Variants in PDE3B observed in about 807,000 individuals in gnomAD.
PDE3B encodes the protein phosphodiesterase 3B.
In PDE3B, 66 loss-of-function variants were observed where a neutral mutation model predicts 116.8. The observed-to-expected ratio is 0.56, with a 90% CI of 0.46 to 0.69. The LOEUF (loss-of-function observed/expected upper bound fraction) is 0.69, where lower values mean the gene tolerates loss of function less well. Ranked by LOEUF, PDE3B falls within the 30% of genes least tolerant of loss-of-function variation. The pLI, the probability that PDE3B is intolerant of heterozygous loss-of-function variation, is 0.00. For synonymous variants in PDE3B, 595 were observed against 533.6 expected, an observed-to-expected ratio of 1.12 and a Z score of -1.59; for missense variants, 1,384 against 1,368.1, an observed-to-expected ratio of 1.01 and a Z score of -0.18.
chr11:14,884,285 G>T, the PDE3B span, among the ~76,000 whole-genome samples: 5 of 151,712 alleles, frequency 3.3e-5, no homozygotes, highest in South Asian at 2.1e-4. Context: ...CCAACCCAAA[G>T]GTCCAAAAAT....
At chr11:14,881,505 G>A in the PDE3B span, among the ~76,000 whole-genome samples, 4 of 151,948 alleles carry the variant, frequency 2.6e-5, no homozygotes, top group African/African-American at 9.7e-5. Flanking sequence ...CTCATTACTG[G>A]GACACGGTTG....
chr11:14,661,454 C>T (rs1853904847), intron 1 of PDE3B, among the ~76,000 whole-genome samples: 1 of 152,166 alleles, frequency 6.6e-6, no homozygotes, highest in Non-Finnish European at 1.5e-5. Flanking sequence ...AGACAGTGGG[C>T]GTAGGACAGT....
At chr11:14,868,719 C>T (rs1848091483) in intron 15 of PDE3B, among the ~76,000 whole-genome samples, 1 of 152,172 alleles carries the variant, frequency 6.6e-6, no homozygotes, top group African/African-American at 2.4e-5. Flanking sequence ...GAACCTCCCA[C>T]TGCAACACAC....
At chr11:14,807,854 C>G (rs564357031) in intron 5 of PDE3B, among the ~76,000 whole-genome samples, 1 of 152,132 alleles carries the variant, frequency 6.6e-6, no homozygotes, top group South Asian at 2.1e-4. Flanking sequence ...TGAGACCAGC[C>G]TGGCCAACAT....
intron 2 of PDE3B, among the ~76,000 whole-genome samples, chr11:14,778,213 GGCCTCT>G (rs1857851075): frequency 6.6e-6 from 1 of 152,126 alleles, no homozygotes; most frequent in African/African-American, 2.4e-5. Context: ...GAGTCCTGCC[GGCCTCT>G]GTAGACTCCA....
rs1409153720 is a variant in PDE3B, at chr11:14,864,961, C to G, written c.2887-2545C>G. 2.6e-5 allele frequency among the ~76,000 whole-genome samples: 4 copies of G among 152,068 alleles called. No individual in the cohort carries two copies. The East Asian group carries it at 7.7e-4, about 29-fold the overall frequency. The stretch of plus-strand genomic sequence containing the variant: ...AAGCAAGAGCAAACAAATTCAAAAG[C>G]TAGCAGAAGACAAGAAATAACTAAG... On this transcript the variant is annotated intron_variant, in intron 14 of 15. Transcript: ENST00000282096.
Position 14,644,236 on chromosome 11 carries a change from T to A in PDE3B, c.161T>A (p.Phe54Tyr). ...GGCTTCTTCTTCCACCTCTGCCGCT[T>A]CTGCAACGTGGAGCTGCGGCCGCCG... ...PRGFFFHLCR[F>Y]CNVELRPPPA... Residue 54 changes from phenylalanine (F) to tyrosine (Y), a missense_variant, in exon 1 of 16, where the codon TTC (phenylalanine) becomes TAC (tyrosine). Around this residue, in one of 2 missense-constraint regions of PDE3B, gnomAD observed 956 missense variants for 806.8 expected, o/e 1.18. Transcript: ENST00000282096. 6.3e-7 allele frequency: 1 copy of A among 1,585,452 alleles called. No homozygotes were observed. Among genetic ancestry groups the A allele is most frequent in the Non-Finnish European group, 8.5e-7 (1 of 1,172,896 alleles).
chr11:14,760,949 T>C (rs529842454), intron 1 of PDE3B, among the ~76,000 whole-genome samples: 1 of 152,326 alleles, frequency 6.6e-6, no homozygotes, highest in South Asian at 2.1e-4. Flanking sequence ...CTAGCTATTT[T>C]GAAATATACA....
At position 14,823,232 on chromosome 11, in the gene PDE3B, C is replaced by G. The variant is rs538144377; in HGVS notation, c.1807+4023C>G. ...ACTGGAGCCGTCTCTCACCGCAGCA[C>G]AGTAGCTCTATGGGAAAGCAGCTAG... On this transcript the variant is annotated intron_variant, in intron 7 of 15. Transcript: ENST00000282096. 3.9e-5 allele frequency among the ~76,000 whole-genome samples: 6 copies of G among 152,300 alleles called. No individual in the cohort carries two copies. In the East Asian group the frequency reaches 1.2e-3, roughly 29 times the overall value.
the PDE3B span, among the ~76,000 whole-genome samples, chr11:14,896,476 A>G: frequency 3.9e-5 from 6 of 152,196 alleles, no homozygotes; most frequent in Non-Finnish European, 5.9e-5. Context: ...ACACCAGTCA[A>G]ATAATCACAA....
downstream of PDE3B, among the ~76,000 whole-genome samples, chr11:14,876,798 C>G (rs1430703882): frequency 6.6e-6 from 1 of 152,112 alleles, no homozygotes; most frequent in Non-Finnish European, 1.5e-5. Flanking sequence ...TGGAAAGACA[C>G]AGGATCTTTG....
chr11:14,698,030 A>G (rs983974301), intron 1 of PDE3B, among the ~76,000 whole-genome samples: 11 of 151,940 alleles, frequency 7.2e-5, no homozygotes, highest in African/African-American at 2.7e-4. Flanking sequence ...ATAATGTTGA[A>G]TAGAAGTGAT....
chr11:14,801,433 A>T (rs1015263070), intron 4 of PDE3B, among the ~76,000 whole-genome samples: 1 of 152,116 alleles, frequency 6.6e-6, no homozygotes, highest in African/African-American at 2.4e-5. Context: ...TCCACTCCAG[A>T]CCCTGTTTGC....
intron 1 of PDE3B, among the ~76,000 whole-genome samples, chr11:14,675,438 A>T (rs1854505693): frequency 6.6e-6 from 1 of 152,136 alleles, no homozygotes; most frequent in African/African-American, 2.4e-5. Context: ...TGTTGAGTTG[A>T]AGTTTTGATG....
chr11:14,674,506 A>C (rs1404501265), intron 1 of PDE3B: 2 of 538,208 alleles, frequency 3.7e-6, no homozygotes, highest in South Asian at 1.5e-5. Context: ...AAAGCACAGC[A>C]CTCACTCAAC....
chr11:14,857,534 T>C (rs1429233118), intron 12 of PDE3B, among the ~76,000 whole-genome samples: 8 of 152,188 alleles, frequency 5.3e-5, no homozygotes, highest in African/African-American at 1.9e-4. Context: ...TTTTTCCTTC[T>C]TATGCAGTGA....
At chr11:14,743,618 C>A (rs974868483) in intron 1 of PDE3B, among the ~76,000 whole-genome samples, 1 of 152,212 alleles carries the variant, frequency 6.6e-6, no homozygotes, top group Admixed American at 6.5e-5. Flanking sequence ...TGAAAAGAAA[C>A]TCCTGCAGCT....
intron 5 of PDE3B, among the ~76,000 whole-genome samples, chr11:14,813,450 T>C (rs1488078331): frequency 6.6e-6 from 1 of 152,164 alleles, no homozygotes; most frequent in Non-Finnish European, 1.5e-5. Flanking sequence ...GACGCTGCCA[T>C]CTCTCTGGCT....
chr11:14,758,266 A>T (rs1248205367), intron 1 of PDE3B, among the ~76,000 whole-genome samples: 1 of 150,556 alleles, frequency 6.6e-6, no homozygotes, highest in Non-Finnish European at 1.5e-5. Context: ...CTTTTGGCTT[A>T]GGATTGACTT....
Sources: gnomAD v4.1 joint callset for allele counts (sites outside exome capture counted in the v4.1 genomes callset) on GRCh38, gnomAD v4.1.1 for gene constraint, gnomAD v4.1.1 regional missense constraint, MANE v1.5 for transcripts, NCBI Gene and HGNC (gene_info 2026-07-23, HGNC 2026-07-21) for gene names.